Variants in KLHL5 observed in about 807,000 individuals in gnomAD.
KLHL5 encodes kelch-like protein 5.
Under a neutral mutation model 77.7 loss-of-function variants are expected in KLHL5, and 48 were observed. That is an observed-to-expected ratio of 0.62 (90% CI 0.49 to 0.79). The LOEUF is 0.79. Ranked by LOEUF, KLHL5 falls within the 30% of genes least tolerant of loss-of-function variation. The pLI, the probability that KLHL5 is intolerant of heterozygous loss-of-function variation, is 0.00. For missense variants in KLHL5, 723 were observed against 859.7 expected, an observed-to-expected ratio of 0.84 and a Z score of 1.99; for synonymous variants, 260 against 297.0, an observed-to-expected ratio of 0.88 and a Z score of 1.28.
At chr4:39,097,542 G>A (rs568172054) in intron 6 of KLHL5, among the ~76,000 whole-genome samples, 1 of 152,288 alleles carries the variant, frequency 6.6e-6, no homozygotes, top group African/African-American at 2.4e-5. Flanking sequence ...GAACTTAGCC[G>A]CCCATCTATG....
intron 1 of KLHL5, among the ~76,000 whole-genome samples, chr4:39,066,080 C>A (rs1002242852): frequency 2.0e-5 from 3 of 152,180 alleles, no homozygotes; most frequent in African/African-American, 4.8e-5. Context: ...TTAAAAGTTT[C>A]TTGTCTTTTA....
chr4:39,049,990 G>A (rs1018645389), intron 1 of KLHL5, among the ~76,000 whole-genome samples: 3 of 152,004 alleles, frequency 2.0e-5, no homozygotes, highest in East Asian at 1.9e-4. Flanking sequence ...CAGGAGAATC[G>A]CTTGAACCCG....
intron 5 of KLHL5, among the ~76,000 whole-genome samples, chr4:39,095,811 T>G (rs1721011398): frequency 6.6e-6 from 1 of 151,692 alleles, no homozygotes; most frequent in African/African-American, 2.4e-5. Flanking sequence ...GATGGTAAGA[T>G]GCAGCAAAGT....
chr4:39,066,622 G>C (rs1214979684), intron 1 of KLHL5, among the ~76,000 whole-genome samples: 2 of 152,138 alleles, frequency 1.3e-5, no homozygotes, highest in Non-Finnish European at 1.5e-5. Flanking sequence ...ATCCTAAGTT[G>C]AAAGCGCATT....
chr4:39,079,985 A>C (rs993250998), intron 2 of KLHL5, among the ~76,000 whole-genome samples: 3 of 152,200 alleles, frequency 2.0e-5, no homozygotes, highest in African/African-American at 7.2e-5. Flanking sequence ...ACATCTGATA[A>C]TATTATGGGG....
At chr4:39,074,318 T>G (rs1485188988) in intron 1 of KLHL5, among the ~76,000 whole-genome samples, 1 of 152,242 alleles carries the variant, frequency 6.6e-6, no homozygotes, top group African/African-American at 2.4e-5. Context: ...ATTTATCAGT[T>G]AAGGCACTGT....
rs541985646 is a variant in KLHL5, at chr4:39,105,787, A to G, written c.1526-1782A>G. Among the ~76,000 whole-genome samples the G allele has an allele frequency of 2.0e-5, 3 of 151,102 alleles. No homozygotes were observed. In the South Asian group the frequency reaches 6.3e-4, roughly 32 times the overall value. On this transcript the variant is annotated intron_variant, in intron 7 of 10. Transcript: ENST00000504108. ...ACACACACACACATAAAATCTCCAA[A>G]AGCTAGTACTGGTGGGGCACAATAT...
chr4:39,108,328 A>C (rs1457392967), intron 8 of KLHL5, among the ~76,000 whole-genome samples: 1 of 152,048 alleles, frequency 6.6e-6, no homozygotes, highest in Non-Finnish European at 1.5e-5. Context: ...TCTTCCATAA[A>C]ATGAAGCTGT....
chr4:39,116,685 AGAG>A (rs1383187613), intron 10 of KLHL5, among the ~76,000 whole-genome samples: 2 of 152,070 alleles, frequency 1.3e-5, no homozygotes, highest in African/African-American at 2.4e-5. Context: ...TCTGTGCTTG[AGAG>A]GAGAAGGAGT....
chr4:39,084,103 A>G (rs2109393721), intron 4 of KLHL5, among the ~76,000 whole-genome samples: 1 of 152,304 alleles, frequency 6.6e-6, no homozygotes, highest in Non-Finnish European at 1.5e-5. Context: ...ACTATTCCAA[A>G]GGGGGAAAGG....
At chr4:39,131,629 G>T (rs1403793165), downstream of KLHL5, among the ~76,000 whole-genome samples, 1 of 152,120 alleles carries the variant, frequency 6.6e-6, no homozygotes, top group South Asian at 2.1e-4. Context: ...AGTGGTTCAT[G>T]CCTGTAATCC....
In KLHL5 at chr4:39,125,929, G is replaced by A. The variant is rs562805579; in HGVS notation, c.*4863G>A. Among the ~76,000 whole-genome samples, 12 of 152,104 alleles carry A rather than the reference G, an allele frequency of 7.9e-5. No individual in the cohort carries two copies. The highest frequency in any genetic ancestry group is 3.9e-4 in the East Asian group (2 of 5,176). ...TACGCTTCACTAGGATAAAAACTTCGGATTTATATGCATCTGGAAGAGAAA... is the reference window on the plus strand; with the variant it reads ...TACGCTTCACTAGGATAAAAACTTCAGATTTATATGCATCTGGAAGAGAAA... On this transcript the variant is annotated 3_prime_UTR_variant, in exon 11 of 11. Transcript: ENST00000504108.
the KLHL5 span, chr4:39,135,730 C>A: frequency 1.3e-5 from 2 of 152,090 alleles, no homozygotes; most frequent in Non-Finnish European, 2.9e-5. Context: ...GTGGTGAAAC[C>A]CTGTCTCTAC....
upstream of KLHL5, among the ~76,000 whole-genome samples, chr4:39,060,747 AGGAGT>A (rs1560406421): frequency 2.6e-5 from 4 of 152,098 alleles, no homozygotes; most frequent in Non-Finnish European, 4.4e-5. Context: ...GTTGATCAGA[AGGAGT>A]CTGACAAAGG....
upstream of KLHL5, among the ~76,000 whole-genome samples, chr4:39,060,445 A>ACCACCACCACCACCC: frequency 1.5e-5 from 2 of 130,580 alleles, no homozygotes; most frequent in African/African-American, 3.1e-5. Flanking sequence ...AAAATCTACC[A>ACCACCACCACCACCC]CCACCACCAC....
Position 39,113,025 on chromosome 4 carries a change from A to T in KLHL5, c.1694A>T (p.Tyr565Phe), listed in dbSNP as rs771250274. The T allele has an allele frequency of 6.8e-6, 11 of 1,612,704 alleles. No homozygotes were observed. Among genetic ancestry groups the T allele is most frequent in the Non-Finnish European group, 9.3e-6 (11 of 1,179,646 alleles). Residue 565 changes from tyrosine (Y) to phenylalanine (F), a missense_variant, in exon 9 of 11, where the codon TAT becomes TTT. Tyr to Phe is a conservative substitution (Grantham distance 22). Transcript: ENST00000504108. ...TTCATATATTCTTTTTGCAGACTTT[A>T]TGCAGTTGGTGGTCGTGATGGAAGT... Reference protein sequence around the residue: ...VGVAVLSGKLYAVGGRDGSSC... With the variant: ...VGVAVLSGKLFAVGGRDGSSC...
chr4:39,135,028 G>A, the KLHL5 span, among the ~76,000 whole-genome samples: 1 of 152,134 alleles, frequency 6.6e-6, no homozygotes, highest in Non-Finnish European at 1.5e-5. Flanking sequence ...GAAATCACAG[G>A]GTAATCTGAA....
At chr4:39,119,710 C>G (rs549859484) in intron 10 of KLHL5, among the ~76,000 whole-genome samples, 1 of 152,342 alleles carries the variant, frequency 6.6e-6, no homozygotes, top group Non-Finnish European at 1.5e-5. Flanking sequence ...CACTACCAGC[C>G]TTACCTCAAA....
chr4:39,070,864 A>C (rs931093045), intron 1 of KLHL5, among the ~76,000 whole-genome samples: 1 of 101,262 alleles, frequency 9.9e-6, no homozygotes, highest in Admixed American at 1.1e-4. Flanking sequence ...CTTCTTCCTC[A>C]CCCATATAAA....
Sources: gnomAD v4.1 joint callset for allele counts (sites outside exome capture counted in the v4.1 genomes callset) on GRCh38, gnomAD v4.1.1 for gene constraint, MANE v1.5 for transcripts, NCBI Gene and HGNC (gene_info 2026-07-23, HGNC 2026-07-21) for gene names.